Variants in ARK2C observed in about 807,000 individuals in gnomAD.
ARK2C encodes arkadia (RNF111) C-terminal like ring finger ubiquitin ligase 2C.
the ARK2C span, among the ~76,000 whole-genome samples, chr18:46,372,272 T>G: frequency 6.6e-6 from 1 of 152,316 alleles, no homozygotes; most frequent in South Asian, 2.1e-4. Context: ...CAGTTTGAGA[T>G]GTGGTGGTAA....
chr18:46,410,858 T>C, the ARK2C span, among the ~76,000 whole-genome samples: 2 of 152,376 alleles, frequency 1.3e-5, no homozygotes, highest in Admixed American at 6.5e-5. Context: ...CTCCTTAAAC[T>C]CTACACATGC....
chr18:46,420,256 C>T, the ARK2C span, among the ~76,000 whole-genome samples: 2 of 152,312 alleles, frequency 1.3e-5, no homozygotes, highest in Admixed American at 1.3e-4. Flanking sequence ...CATCATCACA[C>T]ATCAGAATGG....
At chr18:46,396,259 G>C in the ARK2C span, among the ~76,000 whole-genome samples, 1 of 152,226 alleles carries the variant, frequency 6.6e-6, no homozygotes. Context: ...CACATCACAA[G>C]GGAGCAGAAG....
chr18:46,441,636 C>G, the ARK2C span, among the ~76,000 whole-genome samples: 4 of 152,068 alleles, frequency 2.6e-5, no homozygotes, highest in Non-Finnish European at 5.9e-5. Context: ...TGCCTGTAAT[C>G]CCAGCACTTT....
At chr18:46,456,242 A>G in the ARK2C span, among the ~76,000 whole-genome samples, 34 of 152,274 alleles carry the variant, frequency 2.2e-4, no homozygotes, top group Non-Finnish European at 4.7e-4. Flanking sequence ...GTGGGGTATG[A>G]AATGTTCTAG....
chr18:46,361,563 A>G, the ARK2C span, among the ~76,000 whole-genome samples: 1 of 152,194 alleles, frequency 6.6e-6, no homozygotes, highest in Non-Finnish European at 1.5e-5. Flanking sequence ...GGATGCTTTC[A>G]AAGATGGTCT....
the ARK2C span, among the ~76,000 whole-genome samples, chr18:46,412,829 G>C: frequency 3.3e-5 from 5 of 152,110 alleles, no homozygotes; most frequent in East Asian, 9.7e-4. Context: ...CTGTGGGCCA[G>C]GGGCCACCAT....
the ARK2C span, among the ~76,000 whole-genome samples, chr18:46,338,813 T>C: frequency 1.3e-5 from 2 of 152,232 alleles, no homozygotes; most frequent in African/African-American, 4.8e-5. Context: ...GGTCATCATT[T>C]TGGAGCTGCT....
chr18:46,403,338 G>A, the ARK2C span, among the ~76,000 whole-genome samples: 1 of 152,210 alleles, frequency 6.6e-6, no homozygotes, highest in Non-Finnish European at 1.5e-5. Flanking sequence ...ACAGAAGCCT[G>A]TGCTGTGCTC....
At chr18:46,340,600 A>G in the ARK2C span, among the ~76,000 whole-genome samples, 2 of 152,192 alleles carry the variant, frequency 1.3e-5, no homozygotes, top group African/African-American at 4.8e-5. Context: ...CTGACTGCTG[A>G]GATAAAAGAG....
chr18:46,342,934 A>G, the ARK2C span, among the ~76,000 whole-genome samples: 1 of 152,166 alleles, frequency 6.6e-6, no homozygotes, highest in Non-Finnish European at 1.5e-5. Context: ...ATATATGTAT[A>G]CTTTTTACAT....
At chr18:46,450,422 C>T in the ARK2C span, 2 of 1,542,188 alleles carry the variant, frequency 1.3e-6, no homozygotes, top group Admixed American at 3.3e-5. Context: ...TGTCTGGTAC[C>T]AACTGGGTTG....
the ARK2C span, among the ~76,000 whole-genome samples, chr18:46,415,933 A>G: frequency 6.6e-6 from 1 of 152,142 alleles, no homozygotes; most frequent in Admixed American, 6.5e-5. Flanking sequence ...GGCAGAAAAC[A>G]GTGCCTGAAG....
chr18:46,402,558 G>C, the ARK2C span, among the ~76,000 whole-genome samples: 1 of 151,918 alleles, frequency 6.6e-6, no homozygotes, highest in South Asian at 2.1e-4. Context: ...TGTCACCCAC[G>C]CTGGAGTGCG....
the ARK2C span, among the ~76,000 whole-genome samples, chr18:46,403,025 A>G: frequency 1.3e-4 from 19 of 143,152 alleles, no homozygotes; most frequent in African/African-American, 3.9e-4. Flanking sequence ...TGCTCTCAGA[A>G]CACGAGACTC....
chr18:46,389,593 C>G, the ARK2C span, among the ~76,000 whole-genome samples: 1 of 152,162 alleles, frequency 6.6e-6, no homozygotes, highest in Admixed American at 6.5e-5. Flanking sequence ...ACGCTTTCCC[C>G]AGCCCATCCC....
chr18:46,439,695 C>CT, the ARK2C span, among the ~76,000 whole-genome samples: 2 of 77,576 alleles, frequency 2.6e-5, no homozygotes, highest in Non-Finnish European at 2.7e-5. Flanking sequence ...AATAGATAAA[C>CT]TTTTTTATTA....
the ARK2C span, among the ~76,000 whole-genome samples, chr18:46,404,606 A>G: frequency 6.6e-6 from 1 of 152,164 alleles, no homozygotes; most frequent in Non-Finnish European, 1.5e-5. Flanking sequence ...TACCAAAATT[A>G]GCAGGGCATG....
At chr18:46,414,900 C>T in the ARK2C span, among the ~76,000 whole-genome samples, 8 of 152,170 alleles carry the variant, frequency 5.3e-5, no homozygotes, top group Non-Finnish European at 7.4e-5. Context: ...GAATGGGGAG[C>T]GTGCACTTCC....
Sources: gnomAD v4.1 joint callset for allele counts (sites outside exome capture counted in the v4.1 genomes callset) on GRCh38, gnomAD v4.1.1 for gene constraint, MANE v1.5 for transcripts, NCBI Gene and HGNC (gene_info 2026-07-23, HGNC 2026-07-21) for gene names.